Variants in PEX14 observed in about 807,000 individuals in gnomAD.
The protein encoded by PEX14 is peroxisomal membrane protein PEX14.
In PEX14, 15 loss-of-function variants were observed where a neutral mutation model predicts 49.5. That is an observed-to-expected ratio of 0.30 (90% CI 0.20 to 0.47). The LOEUF (loss-of-function observed/expected upper bound fraction) is 0.47, where lower values mean the gene tolerates loss of function less well. Ranked by LOEUF, PEX14 falls within the 20% of genes least tolerant of loss-of-function variation. The pLI is 1.00. For synonymous variants in PEX14, 210 were observed against 212.7 expected (o/e 0.99, Z 0.11); for missense variants, 398 against 494.8 (o/e 0.80, Z 1.86).
chr1:10,540,062 T>C (rs1638956344), intron 3 of PEX14, among the ~76,000 whole-genome samples: 1 of 152,116 alleles, frequency 6.6e-6, no homozygotes, highest in South Asian at 2.1e-4. Flanking sequence ...ATGGTCCTGG[T>C]TGGGGTAGGC....
At chr1:10,592,737 A>G (rs1183656895) in intron 3 of PEX14, among the ~76,000 whole-genome samples, 1 of 152,232 alleles carries the variant, frequency 6.6e-6, no homozygotes, top group Non-Finnish European at 1.5e-5. Context: ...TGATTTGGCT[A>G]TGTCATTGAA....
chr1:10,501,032 C>G (rs1273907063), intron 2 of PEX14, among the ~76,000 whole-genome samples: 4 of 152,180 alleles, frequency 2.6e-5, no homozygotes, highest in African/African-American at 9.7e-5. Context: ...GTTTTACAAG[C>G]ACATGGGTAA....
At position 10,539,277 on chromosome 1, in the gene PEX14, G is replaced by GT. The variant is rs1294198899; in HGVS notation, c.169+2986dup. Among the ~76,000 whole-genome samples, 2 of 151,564 alleles carry GT rather than the reference G, an allele frequency of 1.3e-5. No individual in the cohort carries two copies. The highest frequency in any genetic ancestry group is 4.8e-5 in the African/African-American group (2 of 41,304). The stretch of plus-strand genomic sequence containing the variant: ...AGGTCTTTCCTGTTACTTTTTTTTT[G>GT]TTTTTTGTTTTGAGATCTCTTTCGG... On this transcript the variant is annotated intron_variant, in intron 3 of 8. Coordinates refer to ENST00000356607, the MANE Select transcript of PEX14 (RefSeq NM_004565.3). The surrounding 1 kb of genome is among the most constrained non-coding windows in gnomAD (Gnocchi z 4.6).
At chr1:10,600,844 G>T (rs1322207239) in intron 4 of PEX14, among the ~76,000 whole-genome samples, 1 of 151,690 alleles carries the variant, frequency 6.6e-6, no homozygotes, top group Admixed American at 6.6e-5. Context: ...TTAGATATCA[G>T]ATTTTAAGGC....
intron 3 of PEX14, among the ~76,000 whole-genome samples, chr1:10,560,295 G>C (rs779266876): frequency 3.3e-5 from 5 of 152,120 alleles, no homozygotes; most frequent in Non-Finnish European, 5.9e-5. Context: ...AACATCAGGT[G>C]ATCTGCCAGC....
rs1407518602 is a variant in PEX14, at chr1:10,495,314, A to G, written c.77A>G (p.Glu26Gly). The change falls in exon 2 of 9, where the codon GAG becomes GGG. Residue 26 changes from glutamate (E) to glycine (G), a missense_variant. Physicochemically the swap from Glu to Gly is moderately conservative, Grantham distance 98. Around this residue, in one of 3 missense-constraint regions of PEX14, gnomAD observed 56 missense variants for 40.8 expected, o/e 1.37. Coordinates refer to ENST00000356607, the MANE Select transcript of PEX14 (RefSeq NM_004565.3). The surrounding 1 kb of genome is among the most constrained non-coding windows in gnomAD (Gnocchi z 4.2). ...GGAAGTGAAAATGTGCTGCCTCGAG[A>G]GCCGCTGGTAAGTACCCAAGATATG... Reference protein sequence around the residue: ...TPGSENVLPREPLIATAVKFL... With the variant: ...TPGSENVLPRGPLIATAVKFL... 1.2e-6 allele frequency: 2 copies of G among 1,613,250 alleles called. No homozygotes were observed. Among genetic ancestry groups the G allele is most frequent in the Admixed American group, 3.3e-5 (2 of 59,986 alleles).
intron 3 of PEX14, among the ~76,000 whole-genome samples, chr1:10,582,844 C>T (rs939288911): frequency 3.9e-5 from 6 of 152,110 alleles, no homozygotes; most frequent in African/African-American, 1.4e-4. Context: ...ATCAATTCTG[C>T]CACCCCAGCC....
chr1:10,605,520 A>G (rs1428790345), intron 4 of PEX14, among the ~76,000 whole-genome samples: 1 of 152,244 alleles, frequency 6.6e-6, no homozygotes, highest in African/African-American at 2.4e-5. Context: ...AAGATCAGTC[A>G]GCCATAAGGT....
intron 1 of PEX14, among the ~76,000 whole-genome samples, chr1:10,480,772 A>G (rs1641268731): frequency 6.6e-6 from 1 of 152,062 alleles, no homozygotes; most frequent in South Asian, 2.1e-4. Flanking sequence ...TAAAATTCCC[A>G]TAAAAACTTA....
chr1:10,602,317 A>G (rs1641009055), intron 4 of PEX14, among the ~76,000 whole-genome samples: 1 of 152,112 alleles, frequency 6.6e-6, no homozygotes, highest in Non-Finnish European at 1.5e-5. Context: ...TTTAGTTGTC[A>G]TCATTGAGCT....
chr1:10,526,371 A>G (rs1638483780), intron 2 of PEX14, among the ~76,000 whole-genome samples: 1 of 151,928 alleles, frequency 6.6e-6, no homozygotes, highest in African/African-American at 2.4e-5. Flanking sequence ...AGTGTGAACC[A>G]CCACACCCAG....
intron 2 of PEX14, among the ~76,000 whole-genome samples, chr1:10,509,077 C>CA (rs1018328796): frequency 3.9e-5 from 6 of 152,178 alleles, no homozygotes; most frequent in African/African-American, 1.4e-4. Flanking sequence ...GCTGGGACTA[C>CA]AGGCGCCCGC....
chr1:10,504,905 T>G (rs2506903), intron 2 of PEX14, among the ~76,000 whole-genome samples: 146,683 of 151,860 alleles, frequency 0.97, 71,028 homozygotes, highest in East Asian at 1. Context: ...TCCTGCCTCC[T>G]CCTCAGTAGC....
intron 4 of PEX14, among the ~76,000 whole-genome samples, chr1:10,611,198 G>A (rs1157480444): frequency 6.6e-6 from 1 of 152,156 alleles, no homozygotes; most frequent in East Asian, 1.9e-4. Context: ...AGGAGGTACA[G>A]GTTGCAGTGA....
rs529064001 is a variant in PEX14 at position 10,601,036 on chromosome 1, C to T, written c.298+1670C>T. ...CAGCACTTTGGGAGGCCAAGGCGGG[C>T]GGATCACTTGAGGTCAGGAGTTGGA... is the stretch of plus-strand genomic sequence containing the variant. On this transcript the variant is annotated intron_variant, in intron 4 of 8. Transcript: ENST00000356607. Among the ~76,000 whole-genome samples the T allele has an allele frequency of 5.9e-5, 9 of 151,696 alleles. No individual in the cohort carries two copies. In the East Asian group the frequency reaches 7.8e-4, roughly 13 times the overall value.
chr1:10,520,155 T>TTTTTTTTTTTTTTTTTG (rs1557824051), intron 2 of PEX14, among the ~76,000 whole-genome samples: 6 of 92,236 alleles, frequency 6.5e-5, no homozygotes, highest in African/African-American at 1.8e-4. Flanking sequence ...CTTCTTTTTT[T>TTTTTTTTTTTTTTTTTG]TTTTTTTGTT....
intron 3 of PEX14, among the ~76,000 whole-genome samples, chr1:10,585,836 C>T (rs991421221): frequency 2.6e-5 from 4 of 152,188 alleles, no homozygotes; most frequent in South Asian, 2.1e-4. Flanking sequence ...ACAAAGATTG[C>T]GGTGAGTGGA....
chr1:10,544,093 T>C (rs1425345567), intron 3 of PEX14, among the ~76,000 whole-genome samples: 2 of 152,240 alleles, frequency 1.3e-5, no homozygotes. Flanking sequence ...TAGACAGTTC[T>C]ACAGTTTACA....
intron 3 of PEX14, among the ~76,000 whole-genome samples, chr1:10,536,869 T>G (rs760152426): frequency 3.9e-5 from 6 of 152,190 alleles, no homozygotes; most frequent in Non-Finnish European, 5.9e-5. Context: ...TCTGGTTCTG[T>G]TGGACTTCAG....
Sources: gnomAD v4.1 joint callset for allele counts (sites outside exome capture counted in the v4.1 genomes callset) on GRCh38, gnomAD v4.1.1 for gene constraint, gnomAD v4.1.1 regional missense constraint, Gnocchi (gnomAD v3.1) non-coding constraint, MANE v1.5 for transcripts, NCBI Gene and HGNC (gene_info 2026-07-23, HGNC 2026-07-21) for gene names.